TDRD10: variants seen among roughly 807,000 people sequenced by gnomAD.
The protein encoded by TDRD10 is tudor domain-containing protein 10.
In TDRD10, 40 loss-of-function variants were observed where a neutral mutation model predicts 48.0. The observed-to-expected ratio is 0.83, with a 90% CI of 0.65 to 1.09. TDRD10 has a LOEUF of 1.09. Among genes scored for constraint, TDRD10 ranks in the 50% least tolerant of loss-of-function variants. TDRD10 has a pLI of 0.00. For synonymous variants in TDRD10, 162 were observed against 170.4 expected (o/e 0.95, Z 0.38); for missense variants, 378 against 434.7 (o/e 0.87, Z 1.16).
chr1:154,506,377 TCTC>T (rs1320638626), intron 1 of TDRD10, among the ~76,000 whole-genome samples: 2 of 82,612 alleles, frequency 2.4e-5, no homozygotes, highest in Admixed American at 1.7e-4. Flanking sequence ...GTCACGTCTC[TCTC>T]TTTTTTTTTT....
Position 154,547,425 on chromosome 1 carries a change from T to C in TDRD10, c.969T>C (p.Tyr323=), listed in dbSNP as rs1695662974. 5.0e-6 allele frequency: 8 copies of C among 1,614,138 alleles called. No homozygotes were observed. Among genetic ancestry groups the C allele is most frequent in the African/African-American group, 1.3e-5 (1 of 74,946 alleles). The part of the protein sequence containing the change: ...FMLEKDILSS[Y]EVVHRILKGK... ...GTTTTGCAGACATTTTGAGTTCGTA[T>C]GAGGTTGTCCATCGAATCCTCAAAG... is the stretch of plus-strand genomic sequence containing the variant. The change falls in exon 12 of 13, where the codon TAT becomes TAC. Residue 323 remains tyrosine (Y), a synonymous_variant. Coordinates refer to ENST00000368482, the MANE Select transcript of TDRD10 (RefSeq NM_182499.4).
intron 6 of TDRD10, among the ~76,000 whole-genome samples, chr1:154,539,087 C>A (rs1695085282): frequency 6.6e-6 from 1 of 152,154 alleles, no homozygotes; most frequent in Non-Finnish European, 1.5e-5. Flanking sequence ...AATCTCCCAA[C>A]CAGGATTGGG....
At chr1:154,526,769 T>G (rs1457763974) in intron 6 of TDRD10, among the ~76,000 whole-genome samples, 1 of 150,814 alleles carries the variant, frequency 6.6e-6, no homozygotes, top group East Asian at 2.0e-4. Flanking sequence ...TTGTATTTTT[T>G]GGTATGGATG....
intron 6 of TDRD10, 59 bp from the exon 7 acceptor site, chr1:154,541,965 A>C: frequency 1.9e-6 from 3 of 1,564,272 alleles, no homozygotes; most frequent in Non-Finnish European, 2.6e-6. Context: ...GATTCAACAT[A>C]GAAATCAATA....
chr1:154,517,793 T>A (rs4845638), intron 4 of TDRD10, among the ~76,000 whole-genome samples: 76,868 of 151,906 alleles, frequency 0.51, 22,582 homozygotes, highest in East Asian at 0.76. Context: ...AGTTTTTGCT[T>A]CCTCAAGCAG....
At chr1:154,508,682 T>C (rs7513603) in intron 4 of TDRD10, among the ~76,000 whole-genome samples, 119,739 of 152,126 alleles carry the variant, frequency 0.79, 47,804 homozygotes, top group East Asian at 0.92. Context: ...AAATTCTAAT[T>C]TGACATCCTG....
At position 154,544,485 on chromosome 1, in the gene TDRD10, C is replaced by G; in HGVS notation, c.765C>G (p.Tyr255Ter). 1 of 1,613,856 alleles carries G rather than the reference C, an allele frequency of 6.2e-7. No individual in the cohort carries two copies. The highest frequency in any genetic ancestry group is 8.5e-7 in the Non-Finnish European group (1 of 1,179,978). Reference protein sequence around the residue: ...VMRGTRCLAEYHLGDYGHAWN... With the variant: ...VMRGTRCLAE ...GCGGGACTCGCTGTCTGGCAGAGTA[C>G]CACCTGGGGGATTATGGACACGCCT... is the stretch of plus-strand genomic sequence containing the variant. The change falls in exon 10 of 13, where the codon TAC becomes TAG. Residue 255 changes from tyrosine (Y) to a stop codon, truncating the protein, a stop_gained. Coordinates refer to ENST00000368482, the MANE Select transcript of TDRD10 (RefSeq NM_182499.4). LOFTEE classifies it high-confidence loss of function.
At chr1:154,516,688 T>C (rs1023101259) in intron 4 of TDRD10, among the ~76,000 whole-genome samples, 1 of 152,208 alleles carries the variant, frequency 6.6e-6, no homozygotes, top group Non-Finnish European at 1.5e-5. Flanking sequence ...AGCTCACGCC[T>C]GTCATCCCAG....
Position 154,502,488 on chromosome 1 carries a change from C to A in TDRD10, c.-569C>A, listed in dbSNP as rs1438435794. On this transcript the variant is annotated 5_prime_UTR_variant, in exon 1 of 13. Transcript: ENST00000368482. ...CGGCTGGCGCCTCCCAGCCCCGCCACCTCCTGCCCAGAGCTGGGGGCGGCG... is the reference window on the plus strand; with the variant it reads ...CGGCTGGCGCCTCCCAGCCCCGCCAACTCCTGCCCAGAGCTGGGGGCGGCG... 1 of 152,218 alleles carries A rather than the reference C, an allele frequency of 6.6e-6. No homozygotes were observed. Among genetic ancestry groups the A allele is most frequent in the Non-Finnish European group, 1.5e-5 (1 of 68,074 alleles). 9.4% of individuals were successfully genotyped at this position (152,218 alleles called of 1,614,324 possible).
intron 1 of TDRD10, among the ~76,000 whole-genome samples, chr1:154,503,386 G>A (rs998533874): frequency 2.0e-5 from 3 of 152,104 alleles, no homozygotes; most frequent in African/African-American, 7.2e-5. Context: ...TCAAGAGTTC[G>A]AGACCAGCCT....
At chr1:154,544,634 T>G (rs1695450727) in intron 10 of TDRD10, 117 bp downstream of exon 10, 12 of 1,481,122 alleles carry the variant, frequency 8.1e-6, no homozygotes, top group Non-Finnish European at 9.9e-6. Context: ...TCTCTCAAAA[T>G]CATCTTTATC....
intron 4 of TDRD10, among the ~76,000 whole-genome samples, chr1:154,516,783 C>T (rs370831939): frequency 4.9e-4 from 74 of 152,182 alleles, no homozygotes; most frequent in African/African-American, 1.4e-3. Flanking sequence ...CCCATCTCTA[C>T]GAAGAATACA....
intron 11 of TDRD10, among the ~76,000 whole-genome samples, chr1:154,545,440 G>A (rs1695495461): frequency 6.6e-6 from 1 of 152,198 alleles, no homozygotes; most frequent in Non-Finnish European, 1.5e-5. Context: ...GAAATGAAGA[G>A]GCCCCTTCTC....
Position 154,542,822 on chromosome 1 carries a change from G to T in TDRD10, c.503+1G>T. On this transcript the variant is annotated splice_donor_variant, in intron 8 of 12. Transcript: ENST00000368482. LOFTEE classifies it high-confidence loss of function. ...TCTTTGCAGTCCCGTTGGAAATGAGGTGAGCAAGGTATAGAAAGACCACCA... is the reference window on the plus strand; with the variant it reads ...TCTTTGCAGTCCCGTTGGAAATGAGTTGAGCAAGGTATAGAAAGACCACCA... 4 of 1,613,156 alleles carry T rather than the reference G, an allele frequency of 2.5e-6. No homozygotes were observed. Among genetic ancestry groups the T allele is most frequent in the Non-Finnish European group, 2.5e-6 (3 of 1,179,330 alleles).
At chr1:154,536,924 GA>G (rs1201258526) in intron 6 of TDRD10, among the ~76,000 whole-genome samples, 1 of 152,116 alleles carries the variant, frequency 6.6e-6, no homozygotes, top group African/African-American at 2.4e-5. Context: ...CTTTTAAAGG[GA>G]CCCTTTAGAA....
intron 4 of TDRD10, among the ~76,000 whole-genome samples, chr1:154,514,693 T>G (rs1306582498): frequency 6.6e-6 from 1 of 151,990 alleles, no homozygotes; most frequent in Non-Finnish European, 1.5e-5. Flanking sequence ...TTTTGTTTGT[T>G]TGTTTGTTTT....
At chr1:154,507,075 T>A in intron 2 of TDRD10, 166 bp from the exon 3 acceptor site, 1 of 985,316 alleles carries the variant, frequency 1.0e-6, no homozygotes, top group Non-Finnish European at 1.2e-6. Context: ...AAAGGTCCAG[T>A]GGAGGGCTTC....
intron 1 of TDRD10, among the ~76,000 whole-genome samples, chr1:154,503,643 T>C (rs974774352): frequency 2.6e-5 from 4 of 152,100 alleles, no homozygotes; most frequent in African/African-American, 9.7e-5. Context: ...AAAAAAGAAA[T>C]TTAAACTTAG....
At chr1:154,522,487 G>A (rs1048474031) in intron 6 of TDRD10, among the ~76,000 whole-genome samples, 1 of 152,164 alleles carries the variant, frequency 6.6e-6, no homozygotes, top group Non-Finnish European at 1.5e-5. Flanking sequence ...CGAGAGATGG[G>A]TTGGAATTAT....
Sources: gnomAD v4.1 joint callset for allele counts (sites outside exome capture counted in the v4.1 genomes callset) on GRCh38, gnomAD v4.1.1 for gene constraint, MANE v1.5 for transcripts, NCBI Gene and HGNC (gene_info 2026-07-23, HGNC 2026-07-21) for gene names.